The following SLC26A9 variants were observed in gnomAD, a reference collection of about 807,000 sequenced individuals.
The protein encoded by SLC26A9 is anion transporter/exchanger protein 9.
In SLC26A9, 46 loss-of-function variants were observed where a neutral mutation model predicts 87.1. The observed-to-expected ratio is 0.53, with a 90% confidence interval of 0.42 to 0.67. The LOEUF (loss-of-function observed/expected upper bound fraction) is 0.67, where lower values mean the gene tolerates loss of function less well. Among genes scored for constraint, SLC26A9 ranks in the 30% least tolerant of loss-of-function variants. The pLI is 0.00. For missense variants in SLC26A9, 927 were observed against 1,018.3 expected, an observed-to-expected ratio of 0.91 and a Z score of 1.22; for synonymous variants, 437 against 409.1, an observed-to-expected ratio of 1.07 and a Z score of -0.82.
chr1:205,916,450 G>C (rs1250453152), intron 20 of SLC26A9, among the ~76,000 whole-genome samples: 1 of 152,166 alleles, frequency 6.6e-6, no homozygotes, highest in Non-Finnish European at 1.5e-5. Context: ...TTCATTTGTA[G>C]ACCCAGAATC....
At chr1:205,942,398 G>A (rs1659784086) in intron 1 of SLC26A9, among the ~76,000 whole-genome samples, 1 of 152,200 alleles carries the variant, frequency 6.6e-6, no homozygotes, top group African/African-American at 2.4e-5. Context: ...CTGCATGAGT[G>A]AAGCCACTCA....
At chr1:205,916,399 A>G (rs1658593031) in intron 20 of SLC26A9, among the ~76,000 whole-genome samples, 1 of 152,166 alleles carries the variant, frequency 6.6e-6, no homozygotes, top group African/African-American at 2.4e-5. Flanking sequence ...ACCCAGCCAC[A>G]TATTTTTTAG....
chr1:205,915,074 A>G lies in SLC26A9; in HGVS notation c.*283T>C, dbSNP rs145480445. On this transcript the variant is annotated 3_prime_UTR_variant, in exon 21 of 21. Transcript: ENST00000367135. ...GACAGGGCAGAGGTGGGTGGGGTGG[A>G]GTGAGCAGGAGGCTTGTCCATTGCG... 505 of 1,613,948 alleles carry G rather than the reference A, an allele frequency of 3.1e-4. No homozygotes were observed. The highest frequency in any genetic ancestry group is 4.2e-4 in the Non-Finnish European group (490 of 1,180,012).
intron 20 of SLC26A9, among the ~76,000 whole-genome samples, chr1:205,916,541 G>A (rs561358356): frequency 6.6e-6 from 1 of 152,366 alleles, no homozygotes; most frequent in East Asian, 1.9e-4. Context: ...CCTGAACTGT[G>A]TCAGGCAAAC....
chr1:205,932,665 TG>T (rs766675870), intron 4 of SLC26A9, 36 bp downstream of exon 4: 2 of 1,500,940 alleles, frequency 1.3e-6, no homozygotes, highest in South Asian at 1.4e-5. Context: ...CCTTGGGGTC[TG>T]GGTCATCCTG....
At chr1:205,939,168 T>G (rs888098876) in intron 1 of SLC26A9, among the ~76,000 whole-genome samples, 3 of 152,134 alleles carry the variant, frequency 2.0e-5, no homozygotes, top group Admixed American at 2.0e-4. Flanking sequence ...GTCAGAAAGT[T>G]TTGTGTAGAA....
At chr1:205,921,468 C>T in intron 17 of SLC26A9, 98 bp downstream of exon 17, 1 of 1,442,816 alleles carries the variant, frequency 6.9e-7, no homozygotes, top group Middle Eastern at 2.2e-4. Flanking sequence ...GAGCTTCCTC[C>T]CTCAGCTTCC....
chr1:205,927,717 T>A, intron 9 of SLC26A9, 112 bp from the exon 10 acceptor site: 1 of 1,378,748 alleles, frequency 7.3e-7, no homozygotes, highest in Non-Finnish European at 1.0e-6. Flanking sequence ...AGTGACCCAG[T>A]GGCTATAAAG....
Position 205,913,230 on chromosome 1 carries a change from A to G in SLC26A9, c.*2127T>C, listed in dbSNP as rs1658442968. On this transcript the variant is annotated 3_prime_UTR_variant, in exon 21 of 21. Transcript: ENST00000367135. ...CATTGAAATTCTGGATTATTTCACT[A>G]CTTTGCCTCCATCTTTCCTGCTTCA... is the stretch of plus-strand genomic sequence containing the variant. The G allele has an allele frequency of 6.6e-6, 1 of 152,244 alleles. No individual in the cohort carries two copies. The highest frequency in any genetic ancestry group is 1.9e-4 in the East Asian group (1 of 5,206). 9.4% of individuals were successfully genotyped at this position (152,244 alleles called of 1,614,324 possible). A position where few individuals can be genotyped will look rare whatever the true frequency, so the allele number is the denominator to read the frequency against.
chr1:205,942,617 G>T (rs181141837), intron 1 of SLC26A9, among the ~76,000 whole-genome samples: 27 of 152,334 alleles, frequency 1.8e-4, no homozygotes, highest in Non-Finnish European at 3.4e-4. Context: ...GGAGCTGCAG[G>T]ATGAGGGGTT....
Position 205,918,867 on chromosome 1 carries a change from G to A in SLC26A9, c.2229C>T (p.Asp743=), listed in dbSNP as rs772014773. Residue 743 remains aspartate (D), a synonymous_variant, in exon 19 of 21, where the codon GAC becomes GAT. Coordinates refer to ENST00000367135, the MANE Select transcript of SLC26A9 (RefSeq NM_052934.4). ...CTTGGAAGTTGTGTCCTGGGGTCACGTCTCTAGCATTTGCCTGGGCAAAGA... is the reference window on the plus strand; with the variant it reads ...CTTGGAAGTTGTGTCCTGGGGTCACATCTCTAGCATTTGCCTGGGCAAAGA... ...AVLFAQANAR[D]VTPGHNFQGA... is the part of the protein sequence containing the mutation. The A allele has an allele frequency of 1.9e-5, 30 of 1,614,116 alleles. No individual in the cohort carries two copies. The highest frequency in any genetic ancestry group is 1.6e-4 in the East Asian group (7 of 44,880).
At position 205,921,807 on chromosome 1, in the gene SLC26A9, G is replaced by T. The variant is rs150470449; in HGVS notation, c.1814C>A (p.Ala605Glu). ...LQELQQDFEN[A>E]PPTDPNNNQT... is the part of the protein sequence containing the mutation. ...GTTGTTGTTGGGGTCGGTGGGGGGC[G>T]CATTCTCAAAGTCCTGCTGCAGCTC... The change falls in exon 17 of 21, where the codon GCG becomes GAG. Residue 605 changes from alanine (A) to glutamate (E), a missense_variant. Physicochemically the swap from Ala to Glu is moderately radical, Grantham distance 107. Coordinates refer to ENST00000367135, the MANE Select transcript of SLC26A9 (RefSeq NM_052934.4). 2.5e-6 allele frequency: 4 copies of T among 1,606,118 alleles called. No homozygotes were observed. In the Admixed American group the frequency reaches 5.1e-5, roughly 20 times the overall value.
chr1:205,921,973 C>G, intron 16 of SLC26A9, 126 bp from the exon 17 acceptor site: 1 of 1,258,712 alleles, frequency 7.9e-7, no homozygotes, highest in Non-Finnish European at 1.1e-6. Context: ...ATGGTGAACA[C>G]AGACCCTGAA....
chr1:205,938,464 A>T (rs1659608424), intron 1 of SLC26A9, among the ~76,000 whole-genome samples: 1 of 152,054 alleles, frequency 6.6e-6, no homozygotes, highest in South Asian at 2.1e-4. Context: ...CCTCATTTCC[A>T]GGAGGATGAG....
chr1:205,924,623 G>A, intron 12 of SLC26A9, 134 bp from the exon 13 acceptor site: 1 of 675,518 alleles, frequency 1.5e-6, no homozygotes, highest in Non-Finnish European at 2.5e-6. Context: ...TCTTTAAATA[G>A]CATTTTTTGC....
rs755293789 is a variant in SLC26A9, at chr1:205,935,708, C to G, written c.113G>C (p.Arg38Pro). Residue 38 changes from arginine (R) to proline (P), a missense_variant, in exon 2 of 21, where the codon CGC (arginine) becomes CCC (proline). Physicochemically the swap from Arg to Pro is moderately radical, Grantham distance 103 (BLOSUM62 -2). Coordinates refer to ENST00000367135, the MANE Select transcript of SLC26A9 (RefSeq NM_052934.4). Reference sequence around the variant, plus strand: ...CTGGACCAGTTACCTGAAGGCATTGCGAAGTTTCTCTCCCACTGGGTATGT... The same window carrying G: ...CTGGACCAGTTACCTGAAGGCATTGGGAAGTTTCTCTCCCACTGGGTATGT... Reference protein sequence around the residue: ...DRTYPVGEKLRNAFRCSSAKI... With the variant: ...DRTYPVGEKLPNAFRCSSAKI... 1 of 1,614,006 alleles carries G rather than the reference C, an allele frequency of 6.2e-7. No homozygotes were observed. The highest frequency in any genetic ancestry group is 1.1e-5 in the South Asian group (1 of 91,064).
At chr1:205,928,436 G>C in intron 8 of SLC26A9, 1 of 381,840 alleles carries the variant, frequency 2.6e-6, no homozygotes, top group South Asian at 3.6e-5. Flanking sequence ...TCTCCTCCCA[G>C]GGCCCAGCAT....
At chr1:205,934,728 TC>T (rs1214788346) in intron 2 of SLC26A9, among the ~76,000 whole-genome samples, 1 of 152,232 alleles carries the variant, frequency 6.6e-6, no homozygotes, top group Admixed American at 6.5e-5. Context: ...GATCTTCTCA[TC>T]CTCAGACTTT....
At chr1:205,942,976 C>T (rs976562066) in intron 1 of SLC26A9, among the ~76,000 whole-genome samples, 10 of 152,174 alleles carry the variant, frequency 6.6e-5, no homozygotes, top group African/African-American at 2.4e-4. Flanking sequence ...AGAGCTTTTC[C>T]CTCCAAGACT....
Sources: allele counts gnomAD v4.1 joint callset (sites outside exome capture counted in the v4.1 genomes callset), GRCh38; gene constraint gnomAD v4.1.1; transcripts MANE v1.5; gene names NCBI Gene and HGNC (gene_info 2026-07-23, HGNC 2026-07-21).